The following SPPL3 variants were observed in gnomAD, a reference collection of about 807,000 sequenced individuals.
SPPL3 encodes signal peptide peptidase like 3, also known as signal peptide peptidase-like 3.
A neutral mutation model predicts 42.4 loss-of-function variants in SPPL3; 5 were observed. The observed-to-expected ratio is 0.12, with a 90% CI of 0.06 to 0.25. The LOEUF (loss-of-function observed/expected upper bound fraction) is 0.25. Among genes scored for constraint, SPPL3 ranks in the 10% least tolerant of loss-of-function variants. The probability of loss-of-function intolerance (pLI) is 1.00; values close to 1 mark genes in which losing one functional copy is unlikely to be tolerated. For missense variants in SPPL3, 235 were observed against 489.0 expected, an observed-to-expected ratio of 0.48 and a Z score of 4.90; for synonymous variants, 195 against 181.8, an observed-to-expected ratio of 1.07 and a Z score of -0.58.
intron 1 of SPPL3, among the ~76,000 whole-genome samples, chr12:120,878,149 A>G (rs1566067681): frequency 6.6e-6 from 1 of 152,214 alleles, no homozygotes; most frequent in African/African-American, 2.4e-5. Flanking sequence ...AAAAAATGAA[A>G]TATCTTAATT....
At chr12:120,854,204 T>C (rs1220219777) in intron 1 of SPPL3, among the ~76,000 whole-genome samples, 1 of 152,092 alleles carries the variant, frequency 6.6e-6, no homozygotes, top group Non-Finnish European at 1.5e-5. Flanking sequence ...TCCTGTGAGG[T>C]GGGCAGAGGA....
At chr12:120,803,680 AAT>A (rs879485053) in intron 2 of SPPL3, among the ~76,000 whole-genome samples, 2 of 152,166 alleles carry the variant, frequency 1.3e-5, no homozygotes, top group Non-Finnish European at 2.9e-5. Flanking sequence ...GGTTAAGTTA[AAT>A]ATGTGTTCCT....
At chr12:120,833,648 T>C (rs1347163138) in intron 1 of SPPL3, among the ~76,000 whole-genome samples, 6 of 120,564 alleles carry the variant, frequency 5.0e-5, no homozygotes, top group Admixed American at 1.0e-4. Flanking sequence ...CTGGGCAATA[T>C]AGTGAGACTC....
Position 120,788,279 on chromosome 12 carries a change from G to A in SPPL3, c.190+3190C>T, listed in dbSNP as rs147570298. On this transcript the variant is annotated intron_variant, in intron 3 of 10. Coordinates refer to ENST00000353487, the MANE Select transcript of SPPL3 (RefSeq NM_139015.5). ...TTTTCTGCTTTCTAATGAGTTGAGT[G>A]CCATAGTTCCTGGCAGGCCTGATCA... Among the ~76,000 whole-genome samples, 12 of 152,240 alleles carry A rather than the reference G, an allele frequency of 7.9e-5. No homozygotes were observed. In the East Asian group the frequency reaches 2.1e-3, roughly 27 times the overall value.
rs561660479 is a variant in SPPL3 at position 120,879,981 on chromosome 12, C to CT, written c.23+23863dup. ...CTCCACCTCTGTTCCCTGCTTTTAT[C>CT]TTTTTTTTTTTTTCACTTTTCATTC... is the stretch of plus-strand genomic sequence containing the variant. On this transcript the variant is annotated intron_variant, in intron 1 of 10. Transcript: ENST00000353487. Among the ~76,000 whole-genome samples the CT allele has an allele frequency of 1.4e-3, 195 of 142,880 alleles. 1 individual carries two copies. The highest frequency in any genetic ancestry group is 2.0e-3 in the African/African-American group (80 of 39,234). 93.7% of individuals were successfully genotyped at this position (142,880 alleles called of 152,430 possible).
chr12:120,838,437 A>C (rs1764123581), intron 1 of SPPL3, among the ~76,000 whole-genome samples: 1 of 152,212 alleles, frequency 6.6e-6, no homozygotes, highest in South Asian at 2.1e-4. Flanking sequence ...CAGCCAAGGC[A>C]GATCAATCAG....
intron 1 of SPPL3, among the ~76,000 whole-genome samples, chr12:120,819,989 G>A (rs924860310): frequency 6.6e-6 from 1 of 152,252 alleles, no homozygotes; most frequent in South Asian, 2.1e-4. Flanking sequence ...AATGTTAGTA[G>A]TACTATGAAA....
rs570148906 is a variant in SPPL3, at chr12:120,817,805, G to A, written c.24-6919C>T. Among the ~76,000 whole-genome samples the A allele has an allele frequency of 1.2e-4, 18 of 152,248 alleles. No individual in the cohort carries two copies. The Middle Eastern group carries it at 0.01, about 86-fold the overall frequency. On this transcript the variant is annotated intron_variant, in intron 1 of 10. Transcript: ENST00000353487. Reference sequence around the variant, plus strand: ...TCTAAAGGTTTTCACTGCTGGTAACGACAGGGAGGAAAAGGGCCCCTCCTG... The same window carrying A: ...TCTAAAGGTTTTCACTGCTGGTAACAACAGGGAGGAAAAGGGCCCCTCCTG...
intron 1 of SPPL3, among the ~76,000 whole-genome samples, chr12:120,895,524 G>A (rs1445894548): frequency 2.0e-5 from 3 of 151,990 alleles, no homozygotes; most frequent in African/African-American, 7.3e-5. Flanking sequence ...ACAATTTGGA[G>A]ACTATTATTT....
chr12:120,798,955 G>C lies in SPPL3; in HGVS notation c.102-7398C>G, dbSNP rs933524901. On this transcript the variant is annotated intron_variant, in intron 2 of 10. Transcript: ENST00000353487. Reference sequence around the variant, plus strand: ...AGAATAGGTGCTGAGAACCCCCCGCGGGACAGGATGAAGGGTTATATAACT... The same window carrying C: ...AGAATAGGTGCTGAGAACCCCCCGCCGGACAGGATGAAGGGTTATATAACT... Among the ~76,000 whole-genome samples, 3 of 152,120 alleles carry C rather than the reference G, an allele frequency of 2.0e-5. No homozygotes were observed. In the South Asian group the frequency reaches 6.2e-4, roughly 31 times the overall value.
intron 1 of SPPL3, among the ~76,000 whole-genome samples, chr12:120,821,203 G>A (rs1472242146): frequency 3.9e-5 from 6 of 152,162 alleles, no homozygotes; most frequent in African/African-American, 1.4e-4. Context: ...TGCCGGGGGC[G>A]GGGAGAGGGA....
chr12:120,882,385 A>C (rs1873315585), intron 1 of SPPL3, among the ~76,000 whole-genome samples: 1 of 152,150 alleles, frequency 6.6e-6, no homozygotes, highest in Non-Finnish European at 1.5e-5. Context: ...AATGCCACTG[A>C]GTTCAGTGAC....
At chr12:120,832,361 C>T (rs910778557) in intron 1 of SPPL3, among the ~76,000 whole-genome samples, 3 of 152,066 alleles carry the variant, frequency 2.0e-5, no homozygotes, top group African/African-American at 7.2e-5. Context: ...TACAGGTGTG[C>T]CACCTCTTAA....
chr12:120,827,769 G>T (rs1871273628), intron 1 of SPPL3, among the ~76,000 whole-genome samples: 1 of 151,154 alleles, frequency 6.6e-6, no homozygotes, highest in Non-Finnish European at 1.5e-5. Flanking sequence ...TTCCAGACTG[G>T]CCCATAAAAA....
chr12:120,861,244 C>A (rs1033145649), intron 1 of SPPL3, among the ~76,000 whole-genome samples: 68 of 151,952 alleles, frequency 4.5e-4, no homozygotes, highest in Non-Finnish European at 2.8e-4. Context: ...GATATGTAAA[C>A]AAATGGGCAT....
intron 1 of SPPL3, among the ~76,000 whole-genome samples, chr12:120,831,266 A>G (rs1871418143): frequency 6.6e-6 from 1 of 152,046 alleles, no homozygotes. Context: ...GGTGCTTCAC[A>G]GCCTCCATCT....
chr12:120,825,976 T>A (rs1034821715), intron 1 of SPPL3, among the ~76,000 whole-genome samples: 3 of 151,874 alleles, frequency 2.0e-5, no homozygotes, highest in Non-Finnish European at 4.4e-5. Context: ...GGTGACACAC[T>A]CACTGGTCAA....
At chr12:120,821,241 A>C (rs1006933634) in intron 1 of SPPL3, among the ~76,000 whole-genome samples, 4 of 152,232 alleles carry the variant, frequency 2.6e-5, no homozygotes, top group African/African-American at 9.6e-5. Context: ...CCCCACATTA[A>C]AGGCTTCGAT....
intron 6 of SPPL3, among the ~76,000 whole-genome samples, chr12:120,776,531 T>C (rs921938089): frequency 1.1e-4 from 17 of 150,126 alleles, no homozygotes; most frequent in African/African-American, 4.3e-4. Context: ...CTAAAGTGTA[T>C]GTTTCCAATG....
Sources: allele counts gnomAD v4.1 joint callset (sites outside exome capture counted in the v4.1 genomes callset), GRCh38; gene constraint gnomAD v4.1.1; transcripts MANE v1.5; gene names NCBI Gene and HGNC (gene_info 2026-07-23, HGNC 2026-07-21).